ADAMTSL3: variants seen among roughly 807,000 people sequenced by gnomAD.
ADAMTSL3 encodes ADAMTS like 3.
In ADAMTSL3, 128 loss-of-function variants were observed where a neutral mutation model predicts 201.7. The ratio of observed to expected loss-of-function variants is 0.63; its 90% CI spans 0.55 to 0.73. The LOEUF is 0.73. Among genes scored for constraint, ADAMTSL3 ranks in the 30% least tolerant of loss-of-function variants. The pLI, the probability that ADAMTSL3 is intolerant of heterozygous loss-of-function variation, is 0.00. For synonymous variants in ADAMTSL3, 738 were observed against 748.4 expected, an observed-to-expected ratio of 0.99 and a Z score of 0.23; for missense variants, 1,990 against 2,119.6, an observed-to-expected ratio of 0.94 and a Z score of 1.20.
intron 3 of ADAMTSL3, among the ~76,000 whole-genome samples, chr15:83,743,981 G>GCTGGGACTACAGGTGC (rs1200658670): frequency 6.6e-6 from 1 of 151,870 alleles, no homozygotes; most frequent in African/African-American, 2.4e-5. Context: ...CTCCTGAGTA[G>GCTGGGACTACAGGTGC]CTGGGACTAC....
chr15:83,903,530 A>G (rs1359761927), intron 15 of ADAMTSL3, among the ~76,000 whole-genome samples: 2 of 152,028 alleles, frequency 1.3e-5, no homozygotes, highest in Non-Finnish European at 2.9e-5. Context: ...TTGGCAGGGG[A>G]GTGGGCATAT....
At chr15:83,801,655 T>TATAA (rs2063520104) in intron 4 of ADAMTSL3, among the ~76,000 whole-genome samples, 1 of 37,108 alleles carries the variant, frequency 2.7e-5, no homozygotes, top group Non-Finnish European at 5.8e-5. Context: ...AATATAAATA[T>TATAA]ATATATATAT....
At chr15:83,670,658 T>C (rs115608952) in intron 2 of ADAMTSL3, among the ~76,000 whole-genome samples, 2,161 of 152,314 alleles carry the variant, frequency 0.014, 43 homozygotes, top group African/African-American at 0.049. Flanking sequence ...ATTCATTTTA[T>C]AACCCACTAA....
intron 4 of ADAMTSL3, among the ~76,000 whole-genome samples, chr15:83,793,459 GTGT>G (rs57822593): frequency 0.28 from 41,584 of 150,508 alleles, 5,889 homozygotes; most frequent in Middle Eastern, 0.39. Context: ...ATCTGTTGGT[GTGT>G]TGTTGTTGTT....
At chr15:83,915,434 G>T (rs1353550671) in intron 16 of ADAMTSL3, among the ~76,000 whole-genome samples, 1 of 151,710 alleles carries the variant, frequency 6.6e-6, no homozygotes, top group Non-Finnish European at 1.5e-5. Flanking sequence ...TGTGTTCTCA[G>T]TACCCACTGA....
chr15:83,824,789 G>C (rs948753536), intron 6 of ADAMTSL3: 1 of 151,894 alleles, frequency 6.6e-6, no homozygotes, highest in Non-Finnish European at 1.5e-5. Context: ...ATACATTTAA[G>C]TTTCCTCAGT....
intron 7 of ADAMTSL3, among the ~76,000 whole-genome samples, chr15:83,852,920 G>T (rs1362004834): frequency 6.6e-6 from 1 of 152,100 alleles, no homozygotes; most frequent in African/African-American, 2.4e-5. Context: ...GCAGTGGCGT[G>T]ATCTTGGCTC....
At chr15:84,031,284 A>C in intron 27 of ADAMTSL3, 51 bp from the exon 28 acceptor site, 1 of 1,563,960 alleles carries the variant, frequency 6.4e-7, no homozygotes, top group South Asian at 1.1e-5. Flanking sequence ...TAGTACACAC[A>C]GCATGGATGA....
At chr15:83,733,217 A>G (rs1366751799) in intron 3 of ADAMTSL3, among the ~76,000 whole-genome samples, 1 of 152,182 alleles carries the variant, frequency 6.6e-6, no homozygotes, top group Non-Finnish European at 1.5e-5. Flanking sequence ...CCTACTATAC[A>G]CCAACCCTCT....
chr15:83,964,478 A>G (rs2067038874), intron 19 of ADAMTSL3, among the ~76,000 whole-genome samples: 1 of 152,162 alleles, frequency 6.6e-6, no homozygotes, highest in Non-Finnish European at 1.5e-5. Context: ...TAGAGAAAAA[A>G]GAATGAAAAG....
intron 3 of ADAMTSL3, among the ~76,000 whole-genome samples, chr15:83,706,797 T>C (rs2061858341): frequency 7.6e-6 from 1 of 131,420 alleles, no homozygotes; most frequent in Non-Finnish European, 1.6e-5. Flanking sequence ...GCTGGGATTA[T>C]AGGCATTAGG....
At chr15:83,742,035 T>C (rs1348309994) in intron 3 of ADAMTSL3, among the ~76,000 whole-genome samples, 1 of 152,184 alleles carries the variant, frequency 6.6e-6, no homozygotes, top group Non-Finnish European at 1.5e-5. Flanking sequence ...GTAGAAAATA[T>C]GTCTTCTTTT....
intron 17 of ADAMTSL3, among the ~76,000 whole-genome samples, chr15:83,931,486 C>T (rs1567244168): frequency 2.0e-5 from 3 of 152,126 alleles, no homozygotes; most frequent in Admixed American, 6.5e-5. Context: ...AAACAGAAAC[C>T]TTCTGATTAT....
chr15:83,826,924 G>A (rs1162694628), intron 6 of ADAMTSL3, among the ~76,000 whole-genome samples: 2 of 152,014 alleles, frequency 1.3e-5, no homozygotes, highest in Admixed American at 1.3e-4. Context: ...TGGACATTTG[G>A]GTTTGTTCCA....
At chr15:83,986,762 T>C (rs1351451218) in intron 21 of ADAMTSL3, among the ~76,000 whole-genome samples, 2 of 152,186 alleles carry the variant, frequency 1.3e-5, no homozygotes, top group Non-Finnish European at 2.9e-5. Context: ...CGGATGACAA[T>C]TGAGTAAGAA....
At chr15:83,892,981 A>G (rs944681171) in intron 13 of ADAMTSL3, 93 bp downstream of exon 13, 9 of 1,070,952 alleles carry the variant, frequency 8.4e-6, no homozygotes, top group Non-Finnish European at 1.2e-5. Flanking sequence ...GCATGGAGAC[A>G]AAAAAAAAGT....
chr15:83,830,467 A>C (rs767989466), intron 6 of ADAMTSL3, among the ~76,000 whole-genome samples: 3 of 152,206 alleles, frequency 2.0e-5, no homozygotes, highest in Non-Finnish European at 4.4e-5. Flanking sequence ...GCATTTAAGA[A>C]GGCCGGTTAG....
chr15:83,931,009 C>T (rs2066345414), intron 17 of ADAMTSL3, among the ~76,000 whole-genome samples: 1 of 152,222 alleles, frequency 6.6e-6, no homozygotes. Flanking sequence ...TTAGCCTGGG[C>T]TCTCCAAGGT....
intron 7 of ADAMTSL3, 95 bp from the exon 8 acceptor site, chr15:83,858,671 T>G (rs1390543245): frequency 6.5e-6 from 6 of 917,092 alleles, no homozygotes; most frequent in Non-Finnish European, 1.0e-5. Context: ...TAGTTAAGAA[T>G]ATTTTGCAGA....
Sources: gnomAD v4.1 joint callset for allele counts (sites outside exome capture counted in the v4.1 genomes callset) on GRCh38, gnomAD v4.1.1 for gene constraint, MANE v1.5 for transcripts, NCBI Gene and HGNC (gene_info 2026-07-23, HGNC 2026-07-21) for gene names.